The following CUX1 variants were observed in gnomAD, a reference collection of about 807,000 sequenced individuals.
The protein encoded by CUX1 is cut like homeobox 1.
In CUX1, 31 loss-of-function variants were observed where a neutral mutation model predicts 158.8. The ratio of observed to expected loss-of-function variants is 0.20; its 90% CI spans 0.15 to 0.26. CUX1 has a LOEUF of 0.26. Ranked by LOEUF, CUX1 falls within the 10% of genes least tolerant of loss-of-function variation. CUX1 has a pLI of 1.00. For missense variants in CUX1, 1,589 were observed against 2,014.6 expected, an observed-to-expected ratio of 0.79 and a Z score of 4.04; for synonymous variants, 879 against 862.1, an observed-to-expected ratio of 1.02 and a Z score of -0.34.
intron 1 of CUX1, among the ~76,000 whole-genome samples, chr7:101,883,708 G>C (rs1584874534): frequency 6.6e-6 from 1 of 151,666 alleles, no homozygotes; most frequent in East Asian, 1.9e-4. Flanking sequence ...CGATTTTCCT[G>C]CCTCAGCTTC....
At chr7:101,959,267 G>A (rs1220068147) in intron 2 of CUX1, 3 of 152,300 alleles carry the variant, frequency 2.0e-5, no homozygotes, top group Non-Finnish European at 4.4e-5. Flanking sequence ...GTGTGTGTGT[G>A]TGTGTGTGCA....
intron 20 of CUX1, among the ~76,000 whole-genome samples, chr7:102,221,148 G>A (rs1338485733): frequency 6.6e-6 from 1 of 152,176 alleles, no homozygotes; most frequent in African/African-American, 2.4e-5. Context: ...CTTGGCATGG[G>A]CTCAAAGCCG....
At chr7:102,224,577 T>C (rs1798161615) in intron 20 of CUX1, among the ~76,000 whole-genome samples, 1 of 152,156 alleles carries the variant, frequency 6.6e-6, no homozygotes, top group Non-Finnish European at 1.5e-5. Flanking sequence ...CTCTCAGGGC[T>C]CGGACAGGGC....
chr7:102,117,864 G>A (rs1563267152), intron 8 of CUX1, among the ~76,000 whole-genome samples: 1 of 152,214 alleles, frequency 6.6e-6, no homozygotes, highest in African/African-American at 2.4e-5. Context: ...GGGCAGCCTG[G>A]TGGGGCATTT....
intron 1 of CUX1, among the ~76,000 whole-genome samples, chr7:101,854,455 CCTCCATCATTTAGGGGTTGGGCAT>C (rs1054299658): frequency 6.6e-6 from 1 of 152,052 alleles, no homozygotes; most frequent in Non-Finnish European, 1.5e-5. Context: ...TCAAATCCTG[CCTCCATCATTTAGGGGTTGGGCAT>C]CTCCATTCCC....
At chr7:102,278,630 A>AAAATT (rs1247103638) in intron 18 of CUX1, among the ~76,000 whole-genome samples, 483 of 100,550 alleles carry the variant, frequency 4.8e-3, no homozygotes, top group Non-Finnish European at 8.4e-3. Context: ...AAATAAAATT[A>AAAATT]AAATAAAATA....
At chr7:101,946,716 T>C (rs1226755502) in intron 2 of CUX1, among the ~76,000 whole-genome samples, 2 of 151,926 alleles carry the variant, frequency 1.3e-5, no homozygotes, top group Admixed American at 1.3e-4. Context: ...TTCAGATGAG[T>C]TCCCCGTGGT....
intron 20 of CUX1, among the ~76,000 whole-genome samples, chr7:102,207,402 CGTG>C (rs1182099807): frequency 1.3e-5 from 2 of 151,976 alleles, no homozygotes; most frequent in Non-Finnish European, 2.9e-5. Context: ...AAGCAAAAAT[CGTG>C]GTGACTAGGG....
intron 8 of CUX1, among the ~76,000 whole-genome samples, chr7:102,122,324 G>T (rs2131204520): frequency 6.6e-6 from 1 of 151,816 alleles, no homozygotes; most frequent in Admixed American, 6.6e-5. Context: ...CTTGAATAAA[G>T]AACCTCCTGT....
At chr7:101,908,548 A>G (rs1393652738) in intron 1 of CUX1, among the ~76,000 whole-genome samples, 1 of 151,698 alleles carries the variant, frequency 6.6e-6, no homozygotes, top group Non-Finnish European at 1.5e-5. Context: ...ACCTCAGGTG[A>G]TCCACCCACC....
intron 5 of CUX1, among the ~76,000 whole-genome samples, chr7:102,103,799 CTA>C (rs1830044142): frequency 6.6e-6 from 1 of 150,776 alleles, no homozygotes; most frequent in Non-Finnish European, 1.5e-5. Flanking sequence ...TAGTAGGTGT[CTA>C]TATTTATAGG....
chr7:102,279,919 G>T, intron 18 of CUX1: 1 of 699,510 alleles, frequency 1.4e-6, no homozygotes. Flanking sequence ...GAGATCTAGG[G>T]CTCCCTCCCC....
chr7:101,882,294 C>T (rs1305332392), intron 1 of CUX1, among the ~76,000 whole-genome samples: 1 of 152,184 alleles, frequency 6.6e-6, no homozygotes, highest in Non-Finnish European at 1.5e-5. Context: ...AATTTCGTGA[C>T]CAGTCACTCA....
chr7:101,971,421 G>A (rs1001029381), intron 2 of CUX1, among the ~76,000 whole-genome samples: 3 of 152,222 alleles, frequency 2.0e-5, no homozygotes, highest in Non-Finnish European at 4.4e-5. Context: ...ACCAAGGCAG[G>A]AGGATCACTG....
chr7:101,928,535 T>A (rs2129110205), intron 2 of CUX1, among the ~76,000 whole-genome samples: 1 of 151,294 alleles, frequency 6.6e-6, no homozygotes, highest in East Asian at 1.9e-4. Flanking sequence ...CACGCCTGGC[T>A]AATTTTTGTA....
chr7:102,142,882 A>G (rs1449471357), intron 8 of CUX1, among the ~76,000 whole-genome samples: 4 of 152,054 alleles, frequency 2.6e-5, no homozygotes, highest in African/African-American at 7.3e-5. Flanking sequence ...TGGTCAAACC[A>G]CTGCACTCCA....
chr7:102,108,524 G>C (rs781978333), intron 6 of CUX1, among the ~76,000 whole-genome samples: 3 of 151,792 alleles, frequency 2.0e-5, no homozygotes, highest in Non-Finnish European at 4.4e-5. Context: ...TTTCAGTAGA[G>C]ATAGGTTTTC....
rs569113936 is a variant in CUX1, at chr7:102,122,423, G to A, written c.674+7150G>A. Among the ~76,000 whole-genome samples, 326 of 151,770 alleles carry A rather than the reference G, an allele frequency of 2.1e-3. 4 individuals are homozygous for A. The South Asian group carries it at 0.033, about 15-fold the overall frequency. ...TTCTTCCTGTGTCTTATCTCCAAAA[G>A]GGGCTTGTGGATTTTGTAGAATTCT... On this transcript the variant is annotated intron_variant, in intron 8 of 23. Coordinates refer to ENST00000292535, the MANE Select transcript of CUX1 (RefSeq NM_181552.4).
At chr7:102,246,726 C>T (rs568868688) in intron 23 of CUX1, among the ~76,000 whole-genome samples, 52 of 152,118 alleles carry the variant, frequency 3.4e-4, no homozygotes, top group Non-Finnish European at 6.5e-4. Context: ...CCTGCCACCA[C>T]GCCTGGCTAA....
Sources: allele counts gnomAD v4.1 joint callset (sites outside exome capture counted in the v4.1 genomes callset), GRCh38; gene constraint gnomAD v4.1.1; transcripts MANE v1.5; gene names NCBI Gene and HGNC (gene_info 2026-07-23, HGNC 2026-07-21).